Variants in STPG2 observed in about 807,000 individuals in gnomAD.
STPG2 encodes sperm-tail PG-rich repeat-containing protein 2.
STPG2 carries 56 observed loss-of-function variants against 54.2 expected under a neutral mutation model. The ratio of observed to expected loss-of-function variants is 1.03; its 90% CI spans 0.83 to 1.29. The LOEUF is 1.29. Ranked by LOEUF, STPG2 falls within the 50% of genes most tolerant of loss-of-function variation. STPG2 has a pLI of 0.00. For missense variants in STPG2, 596 were observed against 544.9 expected, an observed-to-expected ratio of 1.09 and a Z score of -0.93; for synonymous variants, 200 against 181.8, an observed-to-expected ratio of 1.10 and a Z score of -0.81.
intron 8 of STPG2, among the ~76,000 whole-genome samples, chr4:97,871,626 G>T (rs1351798845): frequency 6.6e-6 from 1 of 151,074 alleles, no homozygotes; most frequent in Non-Finnish European, 1.5e-5. Context: ...GCTAAAAAAT[G>T]TCAAATTTTG....
intron 9 of STPG2, among the ~76,000 whole-genome samples, chr4:97,787,309 T>C (rs1726857220): frequency 6.6e-6 from 1 of 152,148 alleles, no homozygotes; most frequent in African/African-American, 2.4e-5. Context: ...AGACTACTTC[T>C]ATTCCTAATT....
intron 4 of STPG2, among the ~76,000 whole-genome samples, chr4:97,455,706 A>T (rs1729498950): frequency 6.6e-6 from 1 of 152,220 alleles, no homozygotes; most frequent in Non-Finnish European, 1.5e-5. Flanking sequence ...CAGGATACAG[A>T]AAGCCCTCTG....
intron 4 of STPG2, among the ~76,000 whole-genome samples, chr4:97,456,618 G>A (rs961276466): frequency 1.3e-5 from 2 of 152,052 alleles, no homozygotes; most frequent in Non-Finnish European, 2.9e-5. Flanking sequence ...AGATGGGGCC[G>A]GGAGCGGTGG....
At chr4:97,449,958 C>A (rs1729323735) in intron 4 of STPG2, among the ~76,000 whole-genome samples, 1 of 151,984 alleles carries the variant, frequency 6.6e-6, no homozygotes, top group South Asian at 2.1e-4. Flanking sequence ...AGGAAAGTAA[C>A]ATTAATTTGA....
chr4:97,802,095 T>C (rs745882464), intron 9 of STPG2, among the ~76,000 whole-genome samples: 13 of 152,136 alleles, frequency 8.5e-5, no homozygotes, highest in Non-Finnish European at 1.5e-4. Flanking sequence ...TCCAGGTGAT[T>C]TTGATGCTGT....
At chr4:97,588,190 C>T (rs1413917269) in intron 10 of STPG2, among the ~76,000 whole-genome samples, 2 of 151,478 alleles carry the variant, frequency 1.3e-5, no homozygotes, top group Non-Finnish European at 2.9e-5. Flanking sequence ...TCAGCCTGGC[C>T]AATATGACGA....
chr4:97,700,809 C>T (rs1480244920), intron 10 of STPG2, among the ~76,000 whole-genome samples: 2 of 152,174 alleles, frequency 1.3e-5, no homozygotes, highest in Admixed American at 1.3e-4. Flanking sequence ...TTCTGATGGG[C>T]CTTATGGACA....
chr4:97,905,520 C>T (rs374415337), intron 8 of STPG2, among the ~76,000 whole-genome samples: 5 of 151,918 alleles, frequency 3.3e-5, no homozygotes, highest in Non-Finnish European at 5.9e-5. Flanking sequence ...ATGTAAAGAC[C>T]ATCGAGACTA....
intron 4 of STPG2, among the ~76,000 whole-genome samples, chr4:97,549,464 G>A (rs1378093502): frequency 1.3e-5 from 2 of 152,062 alleles, no homozygotes; most frequent in East Asian, 1.9e-4. Context: ...GAGTGCAAAT[G>A]CCTAGATTCA....
At position 97,506,019 on chromosome 4, in the gene STPG2, C is replaced by CAAAAAAAAAAAAAAA. The variant is rs59206485; in HGVS notation, c.462+206665_462+206679dup. ...AATTCAGGACCAGAAAATAGGAGACCAAAAAAAAAAAAAAAAAAAAAAAAA... is the reference window on the plus strand; with the variant it reads ...AATTCAGGACCAGAAAATAGGAGACCAAAAAAAAAAAAAAAAAAAAAAAAAAAAAAAAAAAAAAAA... On this transcript the variant is annotated intron_variant, in intron 4 of 4. Transcript: ENST00000522676. Among the ~76,000 whole-genome samples, 2 of 16,922 alleles carry CAAAAAAAAAAAAAAA rather than the reference C, an allele frequency of 1.2e-4. 1 individual carries two copies. The highest frequency in any genetic ancestry group is 4.0e-4 in the African/African-American group (2 of 5,050). 11.1% of individuals were successfully genotyped at this position (16,922 alleles called of 152,430 possible).
At chr4:97,835,006 A>T (rs1278738656) in intron 9 of STPG2, among the ~76,000 whole-genome samples, 1 of 152,116 alleles carries the variant, frequency 6.6e-6, no homozygotes, top group African/African-American at 2.4e-5. Context: ...CATTTGAATC[A>T]GAGTGCCTCC....
intron 7 of STPG2, among the ~76,000 whole-genome samples, chr4:97,958,425 C>A (rs930828394): frequency 3.1e-4 from 47 of 152,102 alleles, no homozygotes; most frequent in Admixed American, 3.1e-3. Flanking sequence ...CCTAAATGCT[C>A]CATTTAAAAA....
chr4:97,726,100 G>T (rs1275317658), intron 9 of STPG2, among the ~76,000 whole-genome samples: 1 of 151,848 alleles, frequency 6.6e-6, no homozygotes, highest in Admixed American at 6.6e-5. Flanking sequence ...CAGGCCTAGA[G>T]AAAAATCAAT....
At chr4:97,971,521 C>T (rs1286101963) in intron 7 of STPG2, among the ~76,000 whole-genome samples, 1 of 151,894 alleles carries the variant, frequency 6.6e-6, no homozygotes, top group Non-Finnish European at 1.5e-5. Flanking sequence ...AGCTGAAAAC[C>T]ATCATTCTCA....
At chr4:97,523,835 A>T (rs565566015) in intron 4 of STPG2, among the ~76,000 whole-genome samples, 11 of 152,022 alleles carry the variant, frequency 7.2e-5, no homozygotes, top group Non-Finnish European at 1.5e-4. Flanking sequence ...TAATGCTGGC[A>T]AAACAATGCC....
intron 5 of STPG2, among the ~76,000 whole-genome samples, chr4:98,035,187 G>T (rs900560732): frequency 6.6e-6 from 1 of 152,078 alleles, no homozygotes; most frequent in African/African-American, 2.4e-5. Flanking sequence ...GAAAAATTCT[G>T]CAATCTCTCC....
intron 10 of STPG2, among the ~76,000 whole-genome samples, chr4:97,706,221 T>A (rs1320367618): frequency 2.6e-5 from 4 of 152,182 alleles, no homozygotes; most frequent in Non-Finnish European, 5.9e-5. Flanking sequence ...TAGACACATA[T>A]ACTCAGCACC....
At position 97,703,414 on chromosome 4, in the gene STPG2, T is replaced by C. The variant is rs535121766; in HGVS notation, c.1320+9285A>G. 4.4e-4 allele frequency among the ~76,000 whole-genome samples: 63 copies of C among 144,036 alleles called. No individual in the cohort carries two copies. The South Asian group carries it at 0.013, about 30-fold the overall frequency. The allele number at this position is 144,036 out of a possible 152,430, so 94.5% of individuals were successfully genotyped here. A position where few individuals can be genotyped will look rare whatever the true frequency, so the allele number is the denominator to read the frequency against. On this transcript the variant is annotated intron_variant, in intron 10 of 10. Coordinates refer to ENST00000295268, the MANE Select transcript of STPG2 (RefSeq NM_174952.3). Reference sequence around the variant, plus strand: ...GGATATATATATATATCCTATTATATATATATACTATATATAATATGATAT... The same window carrying C: ...GGATATATATATATATCCTATTATACATATATACTATATATAATATGATAT...
At position 97,991,283 on chromosome 4, in the gene STPG2, CAT is replaced by C. The variant is rs1035985772; in HGVS notation, c.613-9967_613-9966del. ...ATTCCATGGTGTATATATACACACACATATATACATATATACGCACACACACA... is the reference window on the plus strand; with the variant it reads ...ATTCCATGGTGTATATATACACACACATATACATATATACGCACACACACA... On this transcript the variant is annotated intron_variant, in intron 5 of 10. Coordinates refer to ENST00000295268, the MANE Select transcript of STPG2 (RefSeq NM_174952.3). Among the ~76,000 whole-genome samples, 20 of 151,488 alleles carry C rather than the reference CAT, an allele frequency of 1.3e-4. No individual in the cohort carries two copies. In the East Asian group the frequency reaches 3.9e-3, roughly 30 times the overall value.
Sources: allele counts gnomAD v4.1 joint callset (sites outside exome capture counted in the v4.1 genomes callset), GRCh38; gene constraint gnomAD v4.1.1; transcripts MANE v1.5; gene names NCBI Gene and HGNC (gene_info 2026-07-23, HGNC 2026-07-21).